Variants in NUMB observed in about 807,000 individuals in gnomAD.
The protein encoded by NUMB is NUMB endocytic adaptor protein, also known as protein numb homolog.
A neutral mutation model predicts 59.7 loss-of-function variants in NUMB; 29 were observed. The observed-to-expected ratio is 0.49, with a 90% CI of 0.36 to 0.66. The LOEUF is 0.66. Ranked by LOEUF, NUMB falls within the 30% of genes least tolerant of loss-of-function variation. NUMB has a pLI of 0.00. For missense variants in NUMB, 723 were observed against 822.0 expected (o/e 0.88, Z 1.47); for synonymous variants, 288 against 288.2 (o/e 1.00, Z 0.01).
intron 4 of NUMB, among the ~76,000 whole-genome samples, chr14:73,352,510 ATATATATATATATATATATGTTTTT>A (rs1893425648): frequency 8.1e-5 from 1 of 12,418 alleles, no homozygotes; most frequent in Non-Finnish European, 1.2e-4. Flanking sequence ...ATATATATAT[ATATATATATATATATATATGTTTTT>A]TTTTTTTTTT....
chr14:73,388,794 G>C (rs941888879), intron 2 of NUMB, among the ~76,000 whole-genome samples: 1 of 151,670 alleles, frequency 6.6e-6, no homozygotes, highest in African/African-American at 2.4e-5. Context: ...GTGAAAGCCC[G>C]TCTCTAATAA....
intron 1 of NUMB, among the ~76,000 whole-genome samples, chr14:73,449,392 T>C (rs777968671): frequency 6.6e-6 from 1 of 152,186 alleles, no homozygotes; most frequent in Non-Finnish European, 1.5e-5. Flanking sequence ...CTAGATTACT[T>C]ATTAATATAA....
intron 8 of NUMB, among the ~76,000 whole-genome samples, chr14:73,291,979 T>C (rs1889431103): frequency 6.6e-6 from 1 of 152,156 alleles, no homozygotes; most frequent in African/African-American, 2.4e-5. Context: ...CCACCGTGCC[T>C]GGCCGGTATT....
chr14:73,450,652 G>A (rs1176691474), intron 1 of NUMB, among the ~76,000 whole-genome samples: 7 of 151,944 alleles, frequency 4.6e-5, no homozygotes, highest in Admixed American at 2.6e-4. Context: ...AAAATTAGCC[G>A]GGCGTGGTGG....
In NUMB at chr14:73,415,314, T is replaced by C. The variant is rs560669269; in HGVS notation, c.-232-5246A>G. 7.9e-5 allele frequency among the ~76,000 whole-genome samples: 12 copies of C among 152,184 alleles called. No homozygotes were observed. The East Asian group carries it at 1.3e-3, about 17-fold the overall frequency. ...CTTTTCAGATATGCAAGAAACAACA[T>C]TGTTACTAGTGAAAACACCTTACAT... is the stretch of plus-strand genomic sequence containing the variant. On this transcript the variant is annotated intron_variant, in intron 1 of 12. Coordinates refer to ENST00000555238, the MANE Select transcript of NUMB (RefSeq NM_001005743.2).
At chr14:73,339,074 A>G (rs1892498648) in intron 4 of NUMB, among the ~76,000 whole-genome samples, 1 of 152,198 alleles carries the variant, frequency 6.6e-6, no homozygotes, top group African/African-American at 2.4e-5. Flanking sequence ...AATTCTCTGT[A>G]AAAGTGTACT....
rs141070434 is a variant in NUMB, at chr14:73,437,156, C to T, written c.-233+21337G>A. On this transcript the variant is annotated intron_variant, in intron 1 of 12. Coordinates refer to ENST00000555238, the MANE Select transcript of NUMB (RefSeq NM_001005743.2). Reference sequence around the variant, plus strand: ...AACCTCCTGGGCTCAAGTGATCCTCCCACCTCAGCCTCCCGAGTAGCTGGG... The same window carrying T: ...AACCTCCTGGGCTCAAGTGATCCTCTCACCTCAGCCTCCCGAGTAGCTGGG... 4.6e-3 allele frequency among the ~76,000 whole-genome samples: 689 copies of T among 150,718 alleles called. 5 individuals carry two copies. Among genetic ancestry groups the T allele is most frequent in the South Asian group, 0.029 (139 of 4,748 alleles).
chr14:73,445,380 A>AC (rs1883410917), intron 1 of NUMB, among the ~76,000 whole-genome samples: 2 of 142,418 alleles, frequency 1.4e-5, no homozygotes, highest in South Asian at 2.2e-4. Flanking sequence ...AAAAAAAAAA[A>AC]AAAAAAAAAA....
intron 1 of NUMB, among the ~76,000 whole-genome samples, chr14:73,435,861 G>T (rs1435873263): frequency 6.6e-6 from 1 of 151,820 alleles, no homozygotes; most frequent in African/African-American, 2.4e-5. Context: ...ACAAAAATTA[G>T]CAGGGCATGG....
chr14:73,356,706 T>C (rs1448252653), intron 3 of NUMB, among the ~76,000 whole-genome samples: 1 of 152,058 alleles, frequency 6.6e-6, no homozygotes, highest in Non-Finnish European at 1.5e-5. Flanking sequence ...GAAAAAACAT[T>C]TTTTTTCAGA....
At chr14:73,429,564 T>C (rs1308536292) in intron 1 of NUMB, among the ~76,000 whole-genome samples, 1 of 152,128 alleles carries the variant, frequency 6.6e-6, no homozygotes. Flanking sequence ...CTTTATCAAT[T>C]TACCAGTTGA....
intron 6 of NUMB, among the ~76,000 whole-genome samples, chr14:73,303,254 T>C (rs1173145391): frequency 6.6e-6 from 1 of 151,128 alleles, no homozygotes; most frequent in East Asian, 1.9e-4. Context: ...AGAATTTACA[T>C]ACATCTTAGT....
At chr14:73,277,926 T>A (rs1245478266) in intron 12 of NUMB, among the ~76,000 whole-genome samples, 1 of 150,076 alleles carries the variant, frequency 6.7e-6, no homozygotes, top group South Asian at 2.1e-4. Flanking sequence ...GGCGTGGTGG[T>A]ATGCATCTGT....
intron 4 of NUMB, among the ~76,000 whole-genome samples, chr14:73,338,269 A>G (rs1008517600): frequency 6.6e-6 from 1 of 152,174 alleles, no homozygotes; most frequent in Non-Finnish European, 1.5e-5. Flanking sequence ...CCTGGGTGAC[A>G]GAGGAAGATC....
At chr14:73,419,756 T>C (rs933884941) in intron 1 of NUMB, among the ~76,000 whole-genome samples, 26 of 151,854 alleles carry the variant, frequency 1.7e-4, no homozygotes, top group East Asian at 5.8e-4. Context: ...CCTCAGACAA[T>C]GGTGGGAAAC....
At chr14:73,344,154 C>T (rs1287369346) in intron 4 of NUMB, among the ~76,000 whole-genome samples, 1 of 152,102 alleles carries the variant, frequency 6.6e-6, no homozygotes, top group Non-Finnish European at 1.5e-5. Flanking sequence ...AATTTTCAGT[C>T]TGTGATTATT....
chr14:73,355,697 C>T lies in NUMB; in HGVS notation c.55G>A (p.Ala19Thr). 6 of 1,613,538 alleles carry T rather than the reference C, an allele frequency of 3.7e-6. No homozygotes were observed. Among genetic ancestry groups the T allele is most frequent in the Non-Finnish European group, 5.1e-6 (6 of 1,179,590 alleles). ...GTCTGCCACTGATGTGGACGACTGG[C>T]CTCTGGAACATAAACATCCTTCTTT... ...RRKKDVYVPE[A>T]SRPHQWQTDE... is the part of the protein sequence containing the mutation. The change falls in exon 4 of 13, where the codon GCC becomes ACC. Residue 19 changes from alanine to threonine, a missense_variant. By Grantham distance (58) the Ala-to-Thr change is moderately conservative (BLOSUM62 0). Around this residue, in one of 2 missense-constraint regions of NUMB, gnomAD observed 317 missense variants for 436.6 expected, o/e 0.73. Coordinates refer to ENST00000555238, the MANE Select transcript of NUMB (RefSeq NM_001005743.2).
chr14:73,409,130 C>T (rs982904584), intron 2 of NUMB: 2 of 152,106 alleles, frequency 1.3e-5, no homozygotes, highest in African/African-American at 4.8e-5. Flanking sequence ...ACGTTAGATT[C>T]CATCCCATAT....
chr14:73,370,688 G>A (rs1894627401), intron 2 of NUMB, among the ~76,000 whole-genome samples: 2 of 149,452 alleles, frequency 1.3e-5, no homozygotes, highest in Admixed American at 1.3e-4. Context: ...GTGAAACTCC[G>A]CCTCAAAAAG....
Sources: gnomAD v4.1 joint callset for allele counts (sites outside exome capture counted in the v4.1 genomes callset) on GRCh38, gnomAD v4.1.1 for gene constraint, gnomAD v4.1.1 regional missense constraint, MANE v1.5 for transcripts, NCBI Gene and HGNC (gene_info 2026-07-23, HGNC 2026-07-21) for gene names.